CLCN5: variants seen among roughly 807,000 people sequenced by gnomAD.
The protein encoded by CLCN5 is Cl-/H+ antiporter 5.
In CLCN5, 17 loss-of-function variants were observed where a neutral mutation model predicts 54.0. The observed-to-expected ratio is 0.31, with a 90% confidence interval of 0.22 to 0.47. CLCN5 has a LOEUF of 0.47. CLCN5 is among the 20% of genes least tolerant of loss of function. The probability of loss-of-function intolerance (pLI) is 1.00; values close to 1 mark genes in which losing one functional copy is unlikely to be tolerated. For synonymous variants in CLCN5, 222 were observed against 233.0 expected (o/e 0.95, Z 0.43); for missense variants, 448 against 646.7 (o/e 0.69, Z 3.33).
At chrX:49,944,421 G>A (rs1469993819) in intron 3 of CLCN5, among the ~76,000 whole-genome samples, 1 of 111,058 alleles carries the variant, frequency 9.0e-6, no homozygotes, top group Non-Finnish European at 1.9e-5. Context: ...GATTGCCCTG[G>A]CCAGAACTTC....
intron 3 of CLCN5, among the ~76,000 whole-genome samples, chrX:49,936,079 T>C (rs1201728598): frequency 9.0e-6 from 1 of 111,409 alleles, no homozygotes; most frequent in Admixed American, 9.5e-5. Context: ...GGAGATTAAA[T>C]GAGATAAAGT....
At chrX:50,058,015 A>T (rs986801368) in intron 4 of CLCN5, among the ~76,000 whole-genome samples, 2 of 111,566 alleles carry the variant, frequency 1.8e-5, no homozygotes, top group Non-Finnish European at 3.8e-5. Flanking sequence ...ATGCAAGTAA[A>T]GTTTAAATGA....
At chrX:50,083,459 A>G (rs1933778371) in intron 9 of CLCN5, among the ~76,000 whole-genome samples, 1 of 111,331 alleles carries the variant, frequency 9.0e-6, no homozygotes, top group African/African-American at 3.3e-5. Flanking sequence ...TTGAGAAAAC[A>G]TTTTTTTTCT....
chrX:49,958,215 T>C (rs1927427354), intron 3 of CLCN5, among the ~76,000 whole-genome samples: 1 of 111,837 alleles, frequency 8.9e-6, no homozygotes. Context: ...AATGGAATTG[T>C]GCAGTATATA....
At chrX:49,942,029 A>G (rs1926368020) in intron 3 of CLCN5, among the ~76,000 whole-genome samples, 1 of 102,412 alleles carries the variant, frequency 9.8e-6, no homozygotes, top group Non-Finnish European at 2.0e-5. Flanking sequence ...TGGGCACTCA[A>G]GGTGGCACAG....
At chrX:49,932,860 G>A in intron 3 of CLCN5, among the ~76,000 whole-genome samples, 1 of 112,714 alleles carries the variant, frequency 8.9e-6, no homozygotes, top group East Asian at 2.8e-4. Context: ...TTGAAAGGAA[G>A]TATATGTTTT....
At chrX:50,078,530 T>C (rs953122322) in intron 7 of CLCN5, among the ~76,000 whole-genome samples, 1 of 112,234 alleles carries the variant, frequency 8.9e-6, no homozygotes, top group Non-Finnish European at 1.9e-5. Flanking sequence ...TTACACACAT[T>C]GATTTATGTA....
chrX:50,058,010 AG>A (rs1472915378), intron 4 of CLCN5, among the ~76,000 whole-genome samples: 1 of 111,634 alleles, frequency 9.0e-6, no homozygotes, highest in East Asian at 2.9e-4. Flanking sequence ...GTTGAATGCA[AG>A]TAAAGTTTAA....
chrX:50,088,471 G>A, intron 11 of CLCN5: 2 of 419,706 alleles, frequency 4.8e-6, no homozygotes, highest in Non-Finnish European at 4.2e-6. Flanking sequence ...TTGCCTGATG[G>A]ACCCCGAATC....
rs782172719 is a variant in CLCN5, at chrX:50,085,976, T to C, written c.934-4T>C. On this transcript the variant is annotated splice_region_variant and splice_polypyrimidine_tract_variant and intron_variant, in intron 9 of 14. Coordinates refer to ENST00000376091, the MANE Select transcript of CLCN5 (RefSeq NM_001127898.4). ...TGTCACTAATTCTGAGTTTTGGATT[T>C]TAGGTCTTGTCGGCTGCAGCAGCAG... 1 of 1,202,443 alleles carries C rather than the reference T, an allele frequency of 8.3e-7. No individual in the cohort carries two copies. The highest frequency in any genetic ancestry group is 1.8e-5 in the South Asian group (1 of 56,789).
At chrX:50,071,573 A>G (rs902237341) in intron 5 of CLCN5, among the ~76,000 whole-genome samples, 1 of 112,196 alleles carries the variant, frequency 8.9e-6, no homozygotes, top group Non-Finnish European at 1.9e-5. Context: ...TGTTTATCAA[A>G]TAGCCCAAGG....
chrX:50,092,542 A>G lies in CLCN5; in HGVS notation c.*323A>G, dbSNP rs1197277385. On this transcript the variant is annotated 3_prime_UTR_variant, in exon 15 of 15. Transcript: ENST00000376091. ...GTAGTTAGCCAATATGCAATCACTGAAAACTATGCAAGAGAAATTCCAACC... is the reference window on the plus strand; with the variant it reads ...GTAGTTAGCCAATATGCAATCACTGGAAACTATGCAAGAGAAATTCCAACC... 1 of 239,767 alleles carries G rather than the reference A, an allele frequency of 4.2e-6. No homozygotes were observed. Among genetic ancestry groups the G allele is most frequent in the Admixed American group, 6.0e-5 (1 of 16,581 alleles). 19.8% of individuals were successfully genotyped at this position (239,767 alleles called of 1,213,427 possible). A position where few individuals can be genotyped will look rare whatever the true frequency, so the allele number is the denominator to read the frequency against.
chrX:50,044,326 T>G (rs781926961), intron 4 of CLCN5, among the ~76,000 whole-genome samples: 6 of 111,762 alleles, frequency 5.4e-5, no homozygotes, highest in African/African-American at 1.9e-4. Context: ...GAAAAGATGT[T>G]TTGGAGCGAG....
At chrX:50,078,414 C>G (rs1933532249) in intron 7 of CLCN5, among the ~76,000 whole-genome samples, 1 of 111,764 alleles carries the variant, frequency 8.9e-6, no homozygotes, top group South Asian at 3.7e-4. Context: ...TACCCTTCCC[C>G]CAGCCTTCCC....
At chrX:50,009,765 T>C (rs782241207) in intron 3 of CLCN5, 4 of 385,107 alleles carry the variant, frequency 1.0e-5, no homozygotes, top group African/African-American at 1.0e-4. Context: ...GAGTGCTTTC[T>C]GAATGCAATG....
chrX:49,954,131 G>A lies in CLCN5; in HGVS notation c.16+28817G>A, dbSNP rs1407451709. On this transcript the variant is annotated intron_variant, in intron 3 of 14. Coordinates refer to ENST00000376091, the MANE Select transcript of CLCN5 (RefSeq NM_001127898.4). ...TCCATGAGTTTTCCACTTTTATACA[G>A]TCAAATGTATCAGCCTTTTCCTCTA... is the stretch of plus-strand genomic sequence containing the variant. Among the ~76,000 whole-genome samples the A allele has an allele frequency of 4.5e-5, 5 of 111,259 alleles. No homozygotes were observed. The Admixed American group carries it at 4.8e-4, about 11-fold the overall frequency.
intron 3 of CLCN5, among the ~76,000 whole-genome samples, chrX:50,025,273 C>A (rs782046085): frequency 1.5e-5 from 1 of 68,104 alleles, no homozygotes; most frequent in South Asian, 9.2e-4. Flanking sequence ...TTCTTTGACT[C>A]GGAAAGGGAA....
chrX:49,971,742 T>C (rs921153879), intron 3 of CLCN5, among the ~76,000 whole-genome samples: 1 of 111,811 alleles, frequency 8.9e-6, no homozygotes, highest in Non-Finnish European at 1.9e-5. Flanking sequence ...GGTAAGGAAG[T>C]AGTTCAATGC....
chrX:50,074,042 G>A (rs782744392), intron 6 of CLCN5, among the ~76,000 whole-genome samples: 1 of 111,806 alleles, frequency 8.9e-6, no homozygotes, highest in African/African-American at 3.2e-5. Flanking sequence ...CAGAGAGGCT[G>A]AGGACAAGGA....
Sources: gnomAD v4.1 joint callset for allele counts (sites outside exome capture counted in the v4.1 genomes callset) on GRCh38, gnomAD v4.1.1 for gene constraint, MANE v1.5 for transcripts, NCBI Gene and HGNC (gene_info 2026-07-23, HGNC 2026-07-21) for gene names.